Variants in FCRL5 observed in about 807,000 individuals in gnomAD.
FCRL5 encodes the protein Fc receptor like 5, also known as Fc receptor-like protein 5.
In FCRL5, 79 loss-of-function variants were observed where a neutral mutation model predicts 92.1. The ratio of observed to expected loss-of-function variants is 0.86; its 90% CI spans 0.72 to 1.03. FCRL5 has a LOEUF of 1.03. Ranked by LOEUF, FCRL5 falls within the 50% of genes least tolerant of loss-of-function variation. FCRL5 has a pLI of 0.00. For synonymous variants in FCRL5, 466 were observed against 469.3 expected (o/e 0.99, Z 0.09); for missense variants, 1,160 against 1,181.1 (o/e 0.98, Z 0.26).
At chr1:157,545,442 C>T (rs1651486113) in intron 3 of FCRL5, among the ~76,000 whole-genome samples, 1 of 151,394 alleles carries the variant, frequency 6.6e-6, no homozygotes, top group Admixed American at 6.6e-5. Context: ...CACTTTCCTA[C>T]ATCATTAGTA....
At chr1:157,540,580 T>C (rs1162578090) in intron 6 of FCRL5, among the ~76,000 whole-genome samples, 8 of 152,030 alleles carry the variant, frequency 5.3e-5, no homozygotes, top group Non-Finnish European at 1.0e-4. Flanking sequence ...GCATTTGCAG[T>C]TCCTCACAGT....
chr1:157,544,990 T>C lies in FCRL5; in HGVS notation c.400A>G (p.Thr134Ala). 1 of 1,614,198 alleles carries C rather than the reference T, an allele frequency of 6.2e-7. No homozygotes were observed. Among genetic ancestry groups the C allele is most frequent in the Non-Finnish European group, 8.5e-7 (1 of 1,180,030 alleles). ...RAKAEVTLNN[T>A]IYKNDNVLAF... ...AGGACATTATCATTCTTGTAAATAG[T>C]ATTATTCAGTGTTACTTCCGCCTTT... is the stretch of plus-strand genomic sequence containing the variant. Residue 134 changes from threonine (T) to alanine (A), a missense_variant, in exon 4 of 17, where the codon ACT becomes GCT. By Grantham distance (58) the Thr-to-Ala change is moderately conservative. Transcript: ENST00000361835.
rs761392473 is a variant in FCRL5, at chr1:157,521,134, A to AG, written c.2397dup (p.Ser800LeufsTer21). ...GAGAGGTTTAAGGACGCTCCTCCAG[A>AG]GGGGGACGACCTATTTCCTAGGGTG... is the stretch of plus-strand genomic sequence containing the variant. On this transcript the variant is annotated frameshift_variant, in exon 11 of 17. Transcript: ENST00000361835. LOFTEE classifies it high-confidence loss of function. 145 of 1,614,030 alleles carry AG rather than the reference A, an allele frequency of 9.0e-5. 1 individual carries two copies. The highest frequency in any genetic ancestry group is 1.1e-4 in the Non-Finnish European group (125 of 1,180,040).
intron 9 of FCRL5, among the ~76,000 whole-genome samples, chr1:157,526,105 A>T (rs1285593581): frequency 6.6e-6 from 1 of 152,196 alleles, no homozygotes; most frequent in African/African-American, 2.4e-5. Flanking sequence ...GGTTTTCTAT[A>T]AAAGGAGGAG....
chr1:157,547,128 G>T lies in FCRL5; in HGVS notation c.122C>A (p.Thr41Asn). Residue 41 changes from threonine (T) to asparagine (N), a missense_variant, in exon 3 of 17, where the codon ACC becomes AAC. Transcript: ENST00000361835. Reference protein sequence around the residue: ...WTTVFQGERVTLTCKGFRFYS... With the variant: ...WTTVFQGERVNLTCKGFRFYS... Reference sequence around the variant, plus strand: ...GAAGCGAAATCCCTTGCAAGTGAGGGTCACTCTCTCTCCTTGGAAGACTGT... The same window carrying T: ...GAAGCGAAATCCCTTGCAAGTGAGGTTCACTCTCTCTCCTTGGAAGACTGT... 1 of 1,614,136 alleles carries T rather than the reference G, an allele frequency of 6.2e-7. No homozygotes were observed. Among genetic ancestry groups the T allele is most frequent in the Non-Finnish European group, 8.5e-7 (1 of 1,180,002 alleles).
intron 1 of FCRL5, among the ~76,000 whole-genome samples, chr1:157,551,647 T>A (rs184997516): frequency 6.6e-6 from 1 of 152,362 alleles, no homozygotes; most frequent in Admixed American, 6.5e-5. Context: ...TGTGCATAGA[T>A]ATTACTAAAC....
At chr1:157,548,182 C>A (rs1240893761) in intron 2 of FCRL5, among the ~76,000 whole-genome samples, 1 of 152,260 alleles carries the variant, frequency 6.6e-6, no homozygotes, top group East Asian at 1.9e-4. Flanking sequence ...GCTGCTTGGG[C>A]ATTCACCCCT....
intron 6 of FCRL5, 94 bp downstream of exon 6, chr1:157,542,765 G>A: frequency 7.1e-7 from 1 of 1,405,820 alleles, no homozygotes; most frequent in Non-Finnish European, 9.7e-7. Context: ...GAAAGAAACT[G>A]AGGATACTGG....
intron 8 of FCRL5, 71 bp from the exon 9 acceptor site, chr1:157,527,966 C>A: frequency 7.0e-7 from 1 of 1,436,806 alleles, no homozygotes; most frequent in Non-Finnish European, 9.3e-7. Flanking sequence ...CTAGCCAGAA[C>A]AATCAGACAA....
Position 157,535,690 on chromosome 1 carries a change from G to A in FCRL5, c.1403-798C>T, listed in dbSNP as rs967456600. 3.9e-5 allele frequency among the ~76,000 whole-genome samples: 6 copies of A among 152,092 alleles called. 1 individual carries two copies. The highest frequency in any genetic ancestry group is 1.4e-4 in the African/African-American group (6 of 41,392). On this transcript the variant is annotated intron_variant, in intron 7 of 16. Transcript: ENST00000361835. Reference sequence around the variant, plus strand: ...GAGATTATAGTGCCTTTAAGTTCTGGTGTGTGTATATTTGTCAGATGTAAT... The same window carrying A: ...GAGATTATAGTGCCTTTAAGTTCTGATGTGTGTATATTTGTCAGATGTAAT...
intron 5 of FCRL5, 72 bp downstream of exon 5, chr1:157,544,190 A>G (rs1651409529): frequency 6.5e-7 from 1 of 1,530,358 alleles, no homozygotes; most frequent in Admixed American, 1.7e-5. Context: ...CTGGTGACCC[A>G]CGCTGATATG....
intron 2 of FCRL5, among the ~76,000 whole-genome samples, chr1:157,548,638 A>T (rs148136837): frequency 0.013 from 2,017 of 152,352 alleles, 36 homozygotes; most frequent in African/African-American, 0.046. Context: ...ATGAACAGAC[A>T]CTTCTCAAAA....
intron 10 of FCRL5, chr1:157,521,525 A>G (rs1248649783): frequency 2.2e-6 from 1 of 455,336 alleles, no homozygotes; most frequent in Non-Finnish European, 3.8e-6. Flanking sequence ...GACAATAAAT[A>G]TATACAGAGA....
chr1:157,544,962 G>A lies in FCRL5; in HGVS notation c.428C>T (p.Ala143Val). 6.2e-7 allele frequency: 1 copy of A among 1,614,214 alleles called. No individual in the cohort carries two copies. The change falls in exon 4 of 17, where the codon GCA (alanine) becomes GTA (valine). Residue 143 changes from alanine (A) to valine (V), a missense_variant. Coordinates refer to ENST00000361835, the MANE Select transcript of FCRL5 (RefSeq NM_031281.3). ...GAAGTCAGTTCTTTTATTAAGGAAT[G>A]CCAGGACATTATCATTCTTGTAAAT... Reference protein sequence around the residue: ...NTIYKNDNVLAFLNKRTDFHI... With the variant: ...NTIYKNDNVLVFLNKRTDFHI...
chr1:157,549,144 A>G (rs957133023), intron 2 of FCRL5, among the ~76,000 whole-genome samples: 12 of 152,092 alleles, frequency 7.9e-5, no homozygotes, highest in Non-Finnish European at 1.6e-4. Context: ...AGGGACATGG[A>G]TGAAGCTGGA....
At chr1:157,516,248 A>G (rs1649928295) in intron 15 of FCRL5, among the ~76,000 whole-genome samples, 1 of 152,254 alleles carries the variant, frequency 6.6e-6, no homozygotes, top group South Asian at 2.1e-4. Flanking sequence ...AGACCACCTG[A>G]AACTGAGCCT....
chr1:157,539,442 G>C, intron 6 of FCRL5, 78 bp from the exon 7 acceptor site: 1 of 1,390,490 alleles, frequency 7.2e-7, no homozygotes, highest in Non-Finnish European at 9.7e-7. Context: ...TAAATCTTGG[G>C]AACCCCAAAT....
chr1:157,536,022 A>C (rs938834732), intron 7 of FCRL5, among the ~76,000 whole-genome samples: 3 of 140,994 alleles, frequency 2.1e-5, no homozygotes, highest in Non-Finnish European at 3.0e-5. Flanking sequence ...GCTCACTGCA[A>C]ACTTTGCCTC....
intron 5 of FCRL5, among the ~76,000 whole-genome samples, chr1:157,543,834 A>T (rs1651388634): frequency 6.6e-6 from 1 of 152,180 alleles, no homozygotes; most frequent in African/African-American, 2.4e-5. Context: ...GAGTAACTAT[A>T]ATGTTGCAAC....
Sources: allele counts gnomAD v4.1 joint callset (sites outside exome capture counted in the v4.1 genomes callset), GRCh38; gene constraint gnomAD v4.1.1; transcripts MANE v1.5; gene names NCBI Gene and HGNC (gene_info 2026-07-23, HGNC 2026-07-21).